The following MTMR3 variants were observed in gnomAD, a reference collection of about 807,000 sequenced individuals.
MTMR3 encodes myotubularin related protein 3.
MTMR3 carries 32 observed loss-of-function variants against 132.4 expected under a neutral mutation model. That is an observed-to-expected ratio of 0.24 (90% CI 0.18 to 0.32). The LOEUF (loss-of-function observed/expected upper bound fraction) is 0.32, where lower values mean the gene tolerates loss of function less well. MTMR3 is among the 10% of genes least tolerant of loss of function. The probability of loss-of-function intolerance (pLI) is 1.00; values close to 1 mark genes in which losing one functional copy is unlikely to be tolerated. For missense variants in MTMR3, 1,216 were observed against 1,489.6 expected (o/e 0.82, Z 3.02); for synonymous variants, 556 against 550.3 (o/e 1.01, Z -0.14).
intron 1 of MTMR3, among the ~76,000 whole-genome samples, chr22:29,922,806 TA>T (rs2065442926): frequency 6.6e-6 from 1 of 151,458 alleles, no homozygotes; most frequent in Non-Finnish European, 1.5e-5. Flanking sequence ...AGCCAGCACT[TA>T]AAAAAAATTT....
chr22:29,998,647 AATAT>A (rs1265068799), intron 7 of MTMR3, 110 bp from the exon 8 acceptor site: 2 of 519,322 alleles, frequency 3.9e-6, no homozygotes, highest in Non-Finnish European at 6.2e-6. Context: ...TGTCTCAAAA[AATAT>A]ATATATATTT....
rs780156683 is a variant in MTMR3, at chr22:30,022,133, CACAGAGGT to C, written c.3335_3336+6del. ...GCTGGGAGCAGGTGGATAAACAGGACACAGAGGTACAGGCTCAGCCCCTGCTCTGAGTG... is the reference window on the plus strand; with the variant it reads ...GCTGGGAGCAGGTGGATAAACAGGACACAGGCTCAGCCCCTGCTCTGAGTG... On this transcript the variant is annotated splice_donor_variant and coding_sequence_variant, in exon 18 of 20. Coordinates refer to ENST00000401950, the MANE Select transcript of MTMR3 (RefSeq NM_021090.4). LOFTEE classifies it high-confidence loss of function. The C allele has an allele frequency of 9.3e-6, 15 of 1,611,228 alleles. No homozygotes were observed. The South Asian group carries it at 1.6e-4, about 18-fold the overall frequency.
At chr22:29,941,085 C>T (rs1001038621) in intron 1 of MTMR3, among the ~76,000 whole-genome samples, 1 of 149,528 alleles carries the variant, frequency 6.7e-6, no homozygotes, top group Non-Finnish European at 1.5e-5. Context: ...TTTCTCTGCC[C>T]TAATCCAAAC....
At chr22:29,964,329 TTTTG>T (rs768594953) in intron 2 of MTMR3, among the ~76,000 whole-genome samples, 65 of 152,138 alleles carry the variant, frequency 4.3e-4, no homozygotes, top group Non-Finnish European at 6.9e-4. Flanking sequence ...TTGTAGTGTT[TTTTG>T]TTTGTTTGTT....
intron 9 of MTMR3, chr22:30,004,851 T>C (rs2067244259): frequency 6.6e-6 from 1 of 152,272 alleles, no homozygotes; most frequent in Non-Finnish European, 1.5e-5. Flanking sequence ...TTCCTGAATT[T>C]AGTTGTCTGT....
rs1381201513 is a variant in MTMR3 at position 29,885,740 on chromosome 22, C to T, written c.-138+2381C>T. ...GGGTTACTATGTATTGTGAAAAGTT[C>T]TTGAGATTTGCCGCAGGCCATGAGG... is the stretch of plus-strand genomic sequence containing the variant. On this transcript the variant is annotated intron_variant, in intron 1 of 19. Transcript: ENST00000401950. Among the ~76,000 whole-genome samples, 4 of 152,156 alleles carry T rather than the reference C, an allele frequency of 2.6e-5. No homozygotes were observed. In the South Asian group the frequency reaches 8.3e-4, roughly 32 times the overall value.
intron 10 of MTMR3, 128 bp from the exon 11 acceptor site, chr22:30,007,773 G>T: frequency 9.1e-7 from 1 of 1,096,640 alleles, no homozygotes; most frequent in Non-Finnish European, 1.3e-6. Context: ...ATGTATCAAG[G>T]GTTTTGGTTA....
At chr22:29,892,977 C>T (rs1602414694) in intron 1 of MTMR3, among the ~76,000 whole-genome samples, 1 of 152,126 alleles carries the variant, frequency 6.6e-6, no homozygotes, top group East Asian at 1.9e-4. Context: ...AGACCACATG[C>T]CTAGTGTTTG....
At chr22:29,924,683 A>G (rs1447075037) in intron 1 of MTMR3, among the ~76,000 whole-genome samples, 2 of 152,306 alleles carry the variant, frequency 1.3e-5, no homozygotes, top group African/African-American at 4.8e-5. Context: ...AAGTCTTCCA[A>G]TCCATGAACA....
At chr22:29,993,342 T>G (rs2067000634) in intron 7 of MTMR3, 1 of 152,252 alleles carries the variant, frequency 6.6e-6, no homozygotes, top group South Asian at 2.1e-4. Flanking sequence ...GGGTTTTTCT[T>G]AAAGAGAAAG....
intron 3 of MTMR3, among the ~76,000 whole-genome samples, chr22:29,971,441 G>T (rs111349405): frequency 6.6e-6 from 1 of 151,968 alleles, no homozygotes; most frequent in Non-Finnish European, 1.5e-5. Context: ...TTGTAAGATG[G>T]TAATCTGCAT....
intron 1 of MTMR3, among the ~76,000 whole-genome samples, chr22:29,936,878 A>G (rs1353727171): frequency 1.3e-5 from 2 of 152,188 alleles, no homozygotes; most frequent in Non-Finnish European, 2.9e-5. Flanking sequence ...ATTAAAAAAT[A>G]TGGCCCCTCA....
chr22:30,019,778 G>C lies in MTMR3; in HGVS notation c.2119G>C (p.Ala707Pro). The stretch of plus-strand genomic sequence containing the variant: ...AGAGGAGAGTGGAGTAGAGGAACCT[G>C]CCCACAGGGCAGGCATTGAGATACA... ...TKEESGVEEP[A>P]HRAGIEIQEG... The change falls in exon 17 of 20, where the codon GCC becomes CCC. Residue 707 changes from alanine (A) to proline (P), a missense_variant. Ala to Pro is a conservative substitution (Grantham distance 27, BLOSUM62 -1). Around this residue, in one of 7 missense-constraint regions of MTMR3, gnomAD observed 852 missense variants for 852.0 expected, o/e 1.00. Coordinates refer to ENST00000401950, the MANE Select transcript of MTMR3 (RefSeq NM_021090.4). 7 of 1,614,212 alleles carry C rather than the reference G, an allele frequency of 4.3e-6. No homozygotes were observed. Among genetic ancestry groups the C allele is most frequent in the Non-Finnish European group, 5.9e-6 (7 of 1,180,042 alleles).
chr22:30,016,858 G>T (rs2067604616), intron 15 of MTMR3, 160 bp downstream of exon 15: 1 of 816,990 alleles, frequency 1.2e-6, no homozygotes, highest in East Asian at 2.6e-5. Context: ...CCTGAGGAAG[G>T]CCTGCTTCTG....
At chr22:29,963,779 A>C (rs2066360692) in intron 2 of MTMR3, among the ~76,000 whole-genome samples, 1 of 151,658 alleles carries the variant, frequency 6.6e-6, no homozygotes, top group Non-Finnish European at 1.5e-5. Flanking sequence ...ATTTGGTTTC[A>C]GTGAGCCTAG....
At chr22:29,949,509 C>CCCCA (rs1555902916) in intron 1 of MTMR3, among the ~76,000 whole-genome samples, 3 of 124,582 alleles carry the variant, frequency 2.4e-5, no homozygotes, top group African/African-American at 9.4e-5. Flanking sequence ...CGCCCCCCCC[C>CCCCA]AAAAAAAAAA....
At chr22:29,964,070 T>A (rs2066367448) in intron 2 of MTMR3, among the ~76,000 whole-genome samples, 1 of 152,168 alleles carries the variant, frequency 6.6e-6, no homozygotes, top group South Asian at 2.1e-4. Flanking sequence ...GCTGCACTAT[T>A]TTACATTCTC....
At chr22:30,005,137 A>G (rs1276975669) in intron 9 of MTMR3, 1 of 152,180 alleles carries the variant, frequency 6.6e-6, no homozygotes, top group African/African-American at 2.4e-5. Context: ...TACTTAAGAC[A>G]ATTCTGTTCC....
In MTMR3 at chr22:30,013,559, G is replaced by A; in HGVS notation, c.1503+18G>A. On this transcript the variant is annotated intron_variant, in intron 14 of 19. Transcript: ENST00000401950. The stretch of plus-strand genomic sequence containing the variant: ...CATTCCTTGTAAGTTTCTTCATTTT[G>A]GGGACTTTCTCAATTTGAAGGAGGG... 5 of 1,610,606 alleles carry A rather than the reference G, an allele frequency of 3.1e-6. No homozygotes were observed. Among genetic ancestry groups the A allele is most frequent in the Non-Finnish European group, 4.2e-6 (5 of 1,177,906 alleles).
Sources: allele counts gnomAD v4.1 joint callset (sites outside exome capture counted in the v4.1 genomes callset), GRCh38; gene constraint gnomAD v4.1.1; regional missense constraint gnomAD v4.1.1; transcripts MANE v1.5; gene names NCBI Gene and HGNC (gene_info 2026-07-23, HGNC 2026-07-21).